Variants in PKHD1L1 observed in about 807,000 individuals in gnomAD.
PKHD1L1 encodes the protein PKHD1 like 1.
PKHD1L1 carries 434 observed loss-of-function variants against 462.9 expected under a neutral mutation model. The ratio of observed to expected loss-of-function variants is 0.94; its 90% CI spans 0.87 to 1.02. The LOEUF is 1.02. Among genes scored for constraint, PKHD1L1 ranks in the 50% least tolerant of loss-of-function variants. PKHD1L1 has a pLI of 0.00. For synonymous variants in PKHD1L1, 1,781 were observed against 1,750.0 expected, an observed-to-expected ratio of 1.02 and a Z score of -0.44; for missense variants, 5,202 against 5,096.1, an observed-to-expected ratio of 1.02 and a Z score of -0.63.
intron 48 of PKHD1L1, among the ~76,000 whole-genome samples, chr8:109,462,404 T>A (rs1817187954): frequency 6.6e-6 from 1 of 152,160 alleles, no homozygotes; most frequent in Non-Finnish European, 1.5e-5. Flanking sequence ...AATCATGTGA[T>A]CTGACCCAGA....
chr8:109,535,333 G>A lies in PKHD1L1; in HGVS notation c.*5243G>A, dbSNP rs185422103. Among the ~76,000 whole-genome samples, 61 of 152,106 alleles carry A rather than the reference G, an allele frequency of 4.0e-4. No homozygotes were observed. The highest frequency in any genetic ancestry group is 3.6e-4 in the African/African-American group (15 of 41,488). ...CAGATGATCCTTTATATATGTAAACGCTATAAATTCTTAGGAAGAAAATAA... is the reference window on the plus strand; with the variant it reads ...CAGATGATCCTTTATATATGTAAACACTATAAATTCTTAGGAAGAAAATAA... On this transcript the variant is annotated 3_prime_UTR_variant, in exon 78 of 78. Coordinates refer to ENST00000378402, the MANE Select transcript of PKHD1L1 (RefSeq NM_177531.6).
chr8:109,383,196 AATTATAT>A (rs1389849700), intron 4 of PKHD1L1, among the ~76,000 whole-genome samples: 1 of 88,038 alleles, frequency 1.1e-5, no homozygotes, highest in African/African-American at 4.1e-5. Flanking sequence ...AATTATATAT[AATTATAT>A]ATTATATAAT....
At chr8:109,415,864 G>GGGGT (rs1412111334) in intron 21 of PKHD1L1, among the ~76,000 whole-genome samples, 12 of 100,416 alleles carry the variant, frequency 1.2e-4, no homozygotes, top group East Asian at 7.4e-4. Flanking sequence ...AAAAAAAAGG[G>GGGGT]GTGTGTGTGT....
At chr8:109,384,357 C>A (rs1335808627) in intron 5 of PKHD1L1, among the ~76,000 whole-genome samples, 1 of 151,940 alleles carries the variant, frequency 6.6e-6, no homozygotes, top group Non-Finnish European at 1.5e-5. Context: ...TGGGCAACAT[C>A]ATGAGACCCT....
At chr8:109,417,203 T>G (rs1307993750) in intron 21 of PKHD1L1, among the ~76,000 whole-genome samples, 1 of 152,140 alleles carries the variant, frequency 6.6e-6, no homozygotes, top group Non-Finnish European at 1.5e-5. Context: ...AAAATATAAT[T>G]TGATTGTTTA....
rs1815415158 is a variant in PKHD1L1, at chr8:109,436,424, G to A, written c.3592G>A (p.Gly1198Arg). The change falls in exon 30 of 78, where the codon GGG (glycine) becomes AGG (arginine). Residue 1198 changes from glycine (G) to arginine (R), a missense_variant. Coordinates refer to ENST00000378402, the MANE Select transcript of PKHD1L1 (RefSeq NM_177531.6). The stretch of plus-strand genomic sequence containing the variant: ...AAATGAAACCTGCAATGTGATTGAA[G>A]GGGATTTGAATAGGATAACCTGCAG... ...VGNETCNVIEGDLNRITCRTP... is the reference protein window; with the variant it reads ...VGNETCNVIERDLNRITCRTP... The A allele has an allele frequency of 2.5e-6, 4 of 1,613,334 alleles. No homozygotes were observed. Among genetic ancestry groups the A allele is most frequent in the Non-Finnish European group, 3.4e-6 (4 of 1,179,678 alleles).
intron 20 of PKHD1L1, among the ~76,000 whole-genome samples, chr8:109,413,070 T>A (rs1384760516): frequency 6.6e-6 from 1 of 152,178 alleles, no homozygotes; most frequent in Non-Finnish European, 1.5e-5. Context: ...TTTACCTCTC[T>A]TCTTTTCTAT....
intron 25 of PKHD1L1, among the ~76,000 whole-genome samples, chr8:109,428,017 C>G (rs1814860417): frequency 1.2e-5 from 1 of 86,508 alleles, no homozygotes; most frequent in Non-Finnish European, 2.2e-5. Context: ...GAGCAAAACT[C>G]CGTCTCAAAA....
chr8:109,495,916 A>T (rs1819060294), intron 63 of PKHD1L1, among the ~76,000 whole-genome samples: 1 of 152,194 alleles, frequency 6.6e-6, no homozygotes, highest in Non-Finnish European at 1.5e-5. Flanking sequence ...TAAAACTTTC[A>T]TGAAAATCCC....
In PKHD1L1 at chr8:109,420,610, A is replaced by C. The variant is rs372934494; in HGVS notation, c.2617A>C (p.Met873Leu). Reference sequence around the variant, plus strand: ...TCAGACCAAAACAAATGGGCCAACTATGACAAACCAATATTCTGTTACCAT... The same window carrying C: ...TCAGACCAAAACAAATGGGCCAACTCTGACAAACCAATATTCTGTTACCAT... Reference protein sequence around the residue: ...VNQTKTNGPTMTNQYSVTMTS... With the variant: ...VNQTKTNGPTLTNQYSVTMTS... The change falls in exon 23 of 78, where the codon ATG becomes CTG. Residue 873 changes from methionine to leucine, a missense_variant. Met to Leu is a conservative substitution (Grantham distance 15, BLOSUM62 2). Transcript: ENST00000378402. 4.3e-6 allele frequency: 7 copies of C among 1,609,892 alleles called. No individual in the cohort carries two copies. In the African/African-American group the frequency reaches 9.4e-5, roughly 22 times the overall value.
At chr8:109,513,994 C>T in intron 71 of PKHD1L1, among the ~76,000 whole-genome samples, 1 of 152,116 alleles carries the variant, frequency 6.6e-6, no homozygotes, top group East Asian at 1.9e-4. Context: ...AACCCTGTAA[C>T]AATTTCCCTA....
intron 16 of PKHD1L1, 83 bp from the exon 17 acceptor site, chr8:109,406,252 C>T (rs955902556): frequency 1.9e-5 from 25 of 1,318,432 alleles, no homozygotes; most frequent in Middle Eastern, 2.2e-4. Flanking sequence ...AATATAAATA[C>T]GAGACATCAG....
In PKHD1L1 at chr8:109,466,785, T is replaced by C. The variant is rs1315610926; in HGVS notation, c.8605+16T>C. The C allele has an allele frequency of 3.8e-6, 6 of 1,580,456 alleles. No individual in the cohort carries two copies. In the African/African-American group the frequency reaches 5.5e-5, roughly 14 times the overall value. On this transcript the variant is annotated intron_variant, in intron 50 of 77. Coordinates refer to ENST00000378402, the MANE Select transcript of PKHD1L1 (RefSeq NM_177531.6). ...GACTCTTTTGGTAAGTGGAATATAT[T>C]AGTTTAAACAACTAATTTAAATATA...
chr8:109,493,016 T>A (rs1270125637), intron 62 of PKHD1L1, among the ~76,000 whole-genome samples: 2 of 151,612 alleles, frequency 1.3e-5, no homozygotes, highest in African/African-American at 4.8e-5. Flanking sequence ...TTAGTTGTCC[T>A]TTTTTAAATA....
chr8:109,438,913 A>G lies in PKHD1L1; in HGVS notation c.3777A>G (p.Thr1259=), dbSNP rs780108954. ...AAATACCAGGAGAAGTTAATTTAAC[A>G]ATTAAGGGCTATAATTTTGGAAATG... ...VRTILGEVNL[T]IKGYNFGNEL... is the part of the protein sequence containing the mutation. Residue 1259 remains threonine (T), a synonymous_variant, in exon 32 of 78, where the codon ACA becomes ACG. Transcript: ENST00000378402. 8.7e-6 allele frequency: 14 copies of G among 1,605,766 alleles called. No homozygotes were observed. In the South Asian group the frequency reaches 1.6e-4, roughly 18 times the overall value.
chr8:109,472,450 T>C (rs1817769707), intron 50 of PKHD1L1, among the ~76,000 whole-genome samples: 1 of 152,206 alleles, frequency 6.6e-6, no homozygotes. Context: ...TCTGAATTTA[T>C]AACATTTTAG....
chr8:109,401,265 A>G (rs1276833430), intron 13 of PKHD1L1, among the ~76,000 whole-genome samples: 2 of 152,138 alleles, frequency 1.3e-5, no homozygotes, highest in Admixed American at 6.6e-5. Context: ...TATACTTAGT[A>G]CAGTAGTGTT....
rs373661717 is a variant in PKHD1L1 at position 109,464,263 on chromosome 8, T to C, written c.7431T>C (p.His2477=). Residue 2477 remains histidine (H), a synonymous_variant, in exon 49 of 78, where the codon CAT becomes CAC. Transcript: ENST00000378402. ...QAFRLGRYPI[H]WHLLGDLQFK... ...TCCGGTTGGGGCGATATCCAATACA[T>C]TGGCACCTGCTTGGAGACTTACAGT... 4 of 1,612,024 alleles carry C rather than the reference T, an allele frequency of 2.5e-6. No individual in the cohort carries two copies. The highest frequency in any genetic ancestry group is 1.6e-4 in the Middle Eastern group (1 of 6,076).
intron 72 of PKHD1L1, among the ~76,000 whole-genome samples, chr8:109,515,674 G>T (rs1820232770): frequency 2.6e-5 from 4 of 152,094 alleles, no homozygotes; most frequent in Admixed American, 2.6e-4. Context: ...ATAGAAGTTA[G>T]AACCTAAATT....
Sources: gnomAD v4.1 joint callset for allele counts (sites outside exome capture counted in the v4.1 genomes callset) on GRCh38, gnomAD v4.1.1 for gene constraint, MANE v1.5 for transcripts, NCBI Gene and HGNC (gene_info 2026-07-23, HGNC 2026-07-21) for gene names.